STXBP4: variants seen among roughly 807,000 people sequenced by gnomAD.
STXBP4 encodes the protein syntaxin binding protein 4.
Under a neutral mutation model 76.1 loss-of-function variants are expected in STXBP4, and 55 were observed. The observed-to-expected ratio is 0.72, with a 90% confidence interval of 0.58 to 0.91. STXBP4 has a LOEUF of 0.91. STXBP4 is among the 40% of genes least tolerant of loss of function. The pLI is 0.00. For missense variants in STXBP4, 618 were observed against 636.9 expected, an observed-to-expected ratio of 0.97 and a Z score of 0.32; for synonymous variants, 201 against 220.2, an observed-to-expected ratio of 0.91 and a Z score of 0.77.
At chr17:55,056,276 C>A (rs2078922241) in intron 12 of STXBP4, among the ~76,000 whole-genome samples, 1 of 151,918 alleles carries the variant, frequency 6.6e-6, no homozygotes, top group Non-Finnish European at 1.5e-5. Flanking sequence ...GATATTTTTA[C>A]TTTTTTATAC....
chr17:55,079,551 AG>A (rs1315899041), intron 15 of STXBP4, among the ~76,000 whole-genome samples: 1 of 149,662 alleles, frequency 6.7e-6, no homozygotes, highest in Non-Finnish European at 1.5e-5. Flanking sequence ...TGAGCCCAGG[AG>A]TTTGAGACAA....
At chr17:55,060,548 T>C (rs566070052) in intron 12 of STXBP4, among the ~76,000 whole-genome samples, 2 of 152,270 alleles carry the variant, frequency 1.3e-5, no homozygotes, top group East Asian at 3.9e-4. Context: ...AACCTAATTA[T>C]TAAAACAAGC....
intron 17 of STXBP4, among the ~76,000 whole-genome samples, chr17:55,144,663 T>C (rs2080132612): frequency 6.6e-6 from 1 of 152,206 alleles, no homozygotes; most frequent in Admixed American, 6.5e-5. Context: ...TTGAACTGCT[T>C]GTAAATAGCC....
chr17:55,100,917 GGAGCT>G (rs1308817528), intron 16 of STXBP4, among the ~76,000 whole-genome samples: 5 of 152,144 alleles, frequency 3.3e-5, no homozygotes, highest in Non-Finnish European at 7.3e-5. Flanking sequence ...CTCATGACAA[GGAGCT>G]GAGGACAGTC....
chr17:55,016,411 C>G (rs968675794), intron 8 of STXBP4, among the ~76,000 whole-genome samples: 1 of 152,126 alleles, frequency 6.6e-6, no homozygotes, highest in African/African-American at 2.4e-5. Context: ...GCTGCCCCAT[C>G]AAGATGCATT....
chr17:55,032,558 A>G (rs932668167), intron 9 of STXBP4, among the ~76,000 whole-genome samples: 3 of 152,202 alleles, frequency 2.0e-5, no homozygotes, highest in Non-Finnish European at 4.4e-5. Flanking sequence ...ATATTAAAAC[A>G]GGATTGTTGG....
chr17:55,206,054 A>T, the STXBP4 span, among the ~76,000 whole-genome samples: 2 of 152,166 alleles, frequency 1.3e-5, no homozygotes, highest in Admixed American at 6.6e-5. Flanking sequence ...TATACTTATT[A>T]TCATAAACTC....
rs77710481 is a variant in STXBP4 at position 55,114,777 on chromosome 17, A to G, written c.1490-26533A>G. On this transcript the variant is annotated intron_variant, in intron 16 of 17. Transcript: ENST00000376352. ...ATAGAATACCTTCCCTCTTAGCTTC[A>G]TGATTGAAAACAAAAAGAAGCCCTA... 3.4e-3 allele frequency among the ~76,000 whole-genome samples: 521 copies of G among 152,018 alleles called. 7 individuals carry two copies. The highest frequency in any genetic ancestry group is 0.012 in the African/African-American group (506 of 41,524).
chr17:55,199,735 A>C, the STXBP4 span, among the ~76,000 whole-genome samples: 3 of 152,188 alleles, frequency 2.0e-5, no homozygotes, highest in Non-Finnish European at 4.4e-5. Context: ...ACCCAAGATG[A>C]AATTTTTGTT....
the STXBP4 span, among the ~76,000 whole-genome samples, chr17:55,178,849 A>G: frequency 1.2e-4 from 19 of 152,334 alleles, 1 homozygote; most frequent in South Asian, 3.7e-3. Context: ...CAGACCTTCA[A>G]TGGAGGAAGA....
At chr17:55,038,788 T>TC (rs2144720278) in intron 10 of STXBP4, among the ~76,000 whole-genome samples, 1 of 151,800 alleles carries the variant, frequency 6.6e-6, no homozygotes, top group African/African-American at 2.4e-5. Flanking sequence ...TATCTTAAAA[T>TC]TATAGAGAGA....
At chr17:55,155,982 A>G (rs543558537) in intron 17 of STXBP4, among the ~76,000 whole-genome samples, 10 of 152,306 alleles carry the variant, frequency 6.6e-5, no homozygotes, top group Non-Finnish European at 1.2e-4. Context: ...TTGTTTTCCA[A>G]CAACAGATTT....
At chr17:55,049,181 A>C (rs984125359) in intron 12 of STXBP4, among the ~76,000 whole-genome samples, 1 of 152,024 alleles carries the variant, frequency 6.6e-6, no homozygotes, top group Non-Finnish European at 1.5e-5. Context: ...TCAAGGCCAT[A>C]GAAAACAGTT....
chr17:55,081,079 C>A lies in STXBP4; in HGVS notation c.1385C>A (p.Thr462Asn). ...SERRAVLASQTSLTPLGRNGR... is the reference protein window; with the variant it reads ...SERRAVLASQNSLTPLGRNGR... ...AGAAGAGCTGTGTTAGCTTCTCAGA[C>A]TTCCCTCACACCACTGGGAAGGAAT... Residue 462 changes from threonine to asparagine, a missense_variant, in exon 16 of 18, where the codon ACT becomes AAT. Physicochemically the swap from Thr to Asn is moderately conservative, Grantham distance 65 (BLOSUM62 0). Transcript: ENST00000376352. The A allele has an allele frequency of 6.5e-7, 1 of 1,532,954 alleles. No homozygotes were observed. The highest frequency in any genetic ancestry group is 8.7e-7 in the Non-Finnish European group (1 of 1,147,506). 95.0% of individuals were successfully genotyped at this position (1,532,954 alleles called of 1,614,324 possible).
chr17:55,031,155 CT>C lies in STXBP4; in HGVS notation c.667-10del. The C allele has an allele frequency of 3.7e-6, 6 of 1,607,702 alleles. No individual in the cohort carries two copies. The highest frequency in any genetic ancestry group is 5.1e-6 in the Non-Finnish European group (6 of 1,175,240). On this transcript the variant is annotated splice_polypyrimidine_tract_variant and intron_variant, in intron 8 of 17. Transcript: ENST00000376352. ...TTTGAAAAATTGCTTTTCATGAGTC[CT>C]TTATCTTCCAGGCTCTAAATTATCT...
the STXBP4 span, among the ~76,000 whole-genome samples, chr17:55,191,526 C>T: frequency 6.6e-6 from 1 of 152,142 alleles, no homozygotes. Context: ...CTAAGCAATA[C>T]TTATTTCCCT....
intron 17 of STXBP4, among the ~76,000 whole-genome samples, chr17:55,151,559 A>G (rs999457000): frequency 6.6e-6 from 1 of 152,112 alleles, no homozygotes; most frequent in African/African-American, 2.4e-5. Flanking sequence ...CCTCTGTGAA[A>G]ATCTCCATCC....
chr17:55,193,258 G>A, the STXBP4 span, among the ~76,000 whole-genome samples: 1 of 152,158 alleles, frequency 6.6e-6, no homozygotes, highest in Non-Finnish European at 1.5e-5. Context: ...CTGAGAGGTA[G>A]AGCGAGTAAA....
At chr17:55,080,959 A>G in intron 15 of STXBP4, 91 bp from the exon 16 acceptor site, 12 of 1,195,136 alleles carry the variant, frequency 1.0e-5, no homozygotes, top group Non-Finnish European at 1.3e-5. Flanking sequence ...ATATTTTTGT[A>G]CAAATCTATA....
Sources: gnomAD v4.1 joint callset for allele counts (sites outside exome capture counted in the v4.1 genomes callset) on GRCh38, gnomAD v4.1.1 for gene constraint, MANE v1.5 for transcripts, NCBI Gene and HGNC (gene_info 2026-07-23, HGNC 2026-07-21) for gene names.